The following SH3GL3 variants were observed in gnomAD, a reference collection of about 807,000 sequenced individuals.
SH3GL3 encodes the protein SH3 domain containing GRB2 like 3, endophilin A3.
Under a neutral mutation model 47.7 loss-of-function variants are expected in SH3GL3, and 33 were observed. The ratio of observed to expected loss-of-function variants is 0.69; its 90% confidence interval spans 0.52 to 0.92. The LOEUF (loss-of-function observed/expected upper bound fraction) is 0.92, where lower values mean the gene tolerates loss of function less well. SH3GL3 is among the 40% of genes least tolerant of loss of function. SH3GL3 has a pLI of 0.00. For synonymous variants in SH3GL3, 155 were observed against 148.8 expected (o/e 1.04, Z -0.30); for missense variants, 363 against 417.8 (o/e 0.87, Z 1.14).
chr15:83,458,145 A>G (rs1349725633), intron 1 of SH3GL3, among the ~76,000 whole-genome samples: 1 of 152,194 alleles, frequency 6.6e-6, no homozygotes, highest in Non-Finnish European at 1.5e-5. Flanking sequence ...CATATTCTGG[A>G]GAATCTTTAG....
At chr15:83,585,538 G>A (rs1041299016) in intron 6 of SH3GL3, among the ~76,000 whole-genome samples, 1 of 152,198 alleles carries the variant, frequency 6.6e-6, no homozygotes, top group African/African-American at 2.4e-5. Flanking sequence ...GCACTGTAAG[G>A]AAGAAAAATT....
At chr15:83,601,555 T>C (rs1197991863) in intron 8 of SH3GL3, among the ~76,000 whole-genome samples, 1 of 152,190 alleles carries the variant, frequency 6.6e-6, no homozygotes, top group Non-Finnish European at 1.5e-5. Context: ...CCCACTTGAT[T>C]GTGGTGGATT....
rs548512019 is a variant in SH3GL3, at chr15:83,561,962, T to G, written c.114+2641T>G. On this transcript the variant is annotated intron_variant, in intron 2 of 8. Transcript: ENST00000427482. ...TAATTTTTACCATTCTGCTTCCCTC[T>G]ATTTTTCTTAATGGTTTGGCAGGAT... Among the ~76,000 whole-genome samples the G allele has an allele frequency of 6.6e-5, 10 of 152,096 alleles. No homozygotes were observed. The South Asian group carries it at 2.1e-3, about 32-fold the overall frequency.
chr15:83,477,830 A>G (rs1209180198), intron 1 of SH3GL3, among the ~76,000 whole-genome samples: 1 of 152,204 alleles, frequency 6.6e-6, no homozygotes, highest in African/African-American at 2.4e-5. Flanking sequence ...GGAGTTTGTC[A>G]TCAAAATAAG....
intron 1 of SH3GL3, among the ~76,000 whole-genome samples, chr15:83,521,383 C>G (rs994715078): frequency 1.3e-4 from 20 of 151,902 alleles, no homozygotes; most frequent in African/African-American, 4.8e-4. Flanking sequence ...TGCTGGGTGA[C>G]AAAAGGGAAG....
chr15:83,566,365 A>AGAGAGTGT (rs1459069703), intron 3 of SH3GL3, among the ~76,000 whole-genome samples: 240 of 136,678 alleles, frequency 1.8e-3, no homozygotes, highest in Middle Eastern at 4.0e-3. Flanking sequence ...AGAGAGAGAG[A>AGAGAGTGT]GTGTGTGTGT....
intron 2 of SH3GL3, among the ~76,000 whole-genome samples, chr15:83,559,551 G>C (rs2045148390): frequency 6.6e-6 from 1 of 152,170 alleles, no homozygotes; most frequent in African/African-American, 2.4e-5. Flanking sequence ...GTGGCTAACT[G>C]GTACCCTCTA....
chr15:83,465,530 C>G (rs1012704370), intron 1 of SH3GL3, among the ~76,000 whole-genome samples: 6 of 151,914 alleles, frequency 3.9e-5, no homozygotes, highest in Non-Finnish European at 8.8e-5. Context: ...AAAGGTCATT[C>G]TATCTTGGGG....
chr15:83,601,283 G>A (rs114754368), intron 8 of SH3GL3, among the ~76,000 whole-genome samples: 1,615 of 152,248 alleles, frequency 0.011, 31 homozygotes, highest in African/African-American at 0.036. Context: ...CCAGTTCTCA[G>A]CGGAAATGCT....
At chr15:83,554,666 G>A (rs1232894541) in intron 1 of SH3GL3, among the ~76,000 whole-genome samples, 1 of 152,152 alleles carries the variant, frequency 6.6e-6, no homozygotes. Context: ...GGGATTACAG[G>A]CATGATCTGT....
intron 1 of SH3GL3, among the ~76,000 whole-genome samples, chr15:83,543,046 G>C (rs1306257272): frequency 6.6e-6 from 1 of 151,622 alleles, no homozygotes; most frequent in Non-Finnish European, 1.5e-5. Flanking sequence ...GGGCATCCTT[G>C]TCTTGTCCTT....
intron 1 of SH3GL3, among the ~76,000 whole-genome samples, chr15:83,484,508 G>T (rs925126162): frequency 6.6e-6 from 1 of 151,966 alleles, no homozygotes; most frequent in African/African-American, 2.4e-5. Flanking sequence ...CTATATTTAT[G>T]AAATTGCTGA....
intron 1 of SH3GL3, among the ~76,000 whole-genome samples, chr15:83,495,627 C>G (rs1443131232): frequency 6.6e-6 from 1 of 152,124 alleles, no homozygotes; most frequent in Admixed American, 6.5e-5. Flanking sequence ...GTCCTAGCTA[C>G]TTGGGAGGCT....
chr15:83,579,108 C>T (rs1437826610), intron 6 of SH3GL3, among the ~76,000 whole-genome samples: 1 of 152,118 alleles, frequency 6.6e-6, no homozygotes, highest in Non-Finnish European at 1.5e-5. Context: ...AAAAAGGATC[C>T]CTTCATTATA....
intron 3 of SH3GL3, among the ~76,000 whole-genome samples, chr15:83,566,365 A>AGAGAGAGTGTGT (rs1459069703): frequency 2.2e-5 from 3 of 136,626 alleles, no homozygotes; most frequent in East Asian, 2.2e-4. Context: ...AGAGAGAGAG[A>AGAGAGAGTGTGT]GTGTGTGTGT....
chr15:83,566,069 A>G (rs1233558364), intron 3 of SH3GL3, among the ~76,000 whole-genome samples: 1 of 152,154 alleles, frequency 6.6e-6, no homozygotes, highest in Non-Finnish European at 1.5e-5. Flanking sequence ...TTCCTGATAT[A>G]TCAGTCAACA....
chr15:83,550,262 G>C (rs962338651), intron 1 of SH3GL3, among the ~76,000 whole-genome samples: 2 of 152,166 alleles, frequency 1.3e-5, no homozygotes, highest in African/African-American at 4.8e-5. Context: ...TTCTCAAAAT[G>C]TGTTCCTTAG....
intron 1 of SH3GL3, among the ~76,000 whole-genome samples, chr15:83,533,827 T>G (rs1205081213): frequency 1.3e-5 from 2 of 152,206 alleles, no homozygotes; most frequent in African/African-American, 2.4e-5. Flanking sequence ...TGTTCAGAGC[T>G]GACTTATTCG....
intron 8 of SH3GL3, among the ~76,000 whole-genome samples, chr15:83,594,620 G>A (rs2151818613): frequency 6.6e-6 from 1 of 152,236 alleles, no homozygotes; most frequent in South Asian, 2.1e-4. Context: ...CTCTTGCTGT[G>A]GCAGCTTCTA....
Sources: gnomAD v4.1 joint callset for allele counts (sites outside exome capture counted in the v4.1 genomes callset) on GRCh38, gnomAD v4.1.1 for gene constraint, MANE v1.5 for transcripts, NCBI Gene and HGNC (gene_info 2026-07-23, HGNC 2026-07-21) for gene names.